Variants in ZNF676 observed in about 807,000 individuals in gnomAD.
The protein encoded by ZNF676 is zinc finger protein 676.
A neutral mutation model predicts 6.0 loss-of-function variants in ZNF676; 4 were observed. That is an observed-to-expected ratio of 0.67 (90% confidence interval 0.33 to 1.53). ZNF676 has a LOEUF of 1.53. Among genes scored for constraint, ZNF676 ranks in the 40% most tolerant of loss-of-function variants. ZNF676 has a pLI of 0.06. For missense variants in ZNF676, 644 were observed against 679.7 expected (o/e 0.95, Z 0.58); for synonymous variants, 198 against 223.1 (o/e 0.89, Z 1.00).
At chr19:22,231,813 T>C in the ZNF676 span, among the ~76,000 whole-genome samples, 1 of 151,734 alleles carries the variant, frequency 6.6e-6, no homozygotes, top group African/African-American at 2.4e-5. Context: ...ATGTTGGCCA[T>C]ATAGTCTCGA....
At chr19:22,200,135 TCTTA>T (rs1358590165), upstream of ZNF676, among the ~76,000 whole-genome samples, 1 of 152,066 alleles carries the variant, frequency 6.6e-6, no homozygotes, top group African/African-American at 2.4e-5. Context: ...TTTTTTTAAA[TCTTA>T]CTTAAGTAAA....
the ZNF676 span, among the ~76,000 whole-genome samples, chr19:22,236,088 A>C: frequency 6.6e-6 from 1 of 151,826 alleles, no homozygotes; most frequent in African/African-American, 2.4e-5. Context: ...GCGTCTTTTT[A>C]GTCCTTAATG....
the ZNF676 span, among the ~76,000 whole-genome samples, chr19:22,231,145 G>T: frequency 1.3e-5 from 2 of 151,810 alleles, no homozygotes; most frequent in Non-Finnish European, 2.9e-5. Context: ...CTTCTACCAG[G>T]TTAAAATGTA....
chr19:22,194,638 G>T (rs748964462), intron 1 of ZNF676, among the ~76,000 whole-genome samples: 2 of 152,064 alleles, frequency 1.3e-5, no homozygotes, highest in Non-Finnish European at 2.9e-5. Context: ...TTCTGTCCTC[G>T]CTGTAACAAA....
chr19:22,236,742 G>A, the ZNF676 span, among the ~76,000 whole-genome samples: 1 of 152,238 alleles, frequency 6.6e-6, no homozygotes, highest in Admixed American at 6.5e-5. Flanking sequence ...TTTTCTGCTT[G>A]TATAAATTAA....
chr19:22,193,919 C>T lies in ZNF676; in HGVS notation c.35-808G>A, dbSNP rs537415860. Among the ~76,000 whole-genome samples, 8 of 152,202 alleles carry T rather than the reference C, an allele frequency of 5.3e-5. No individual in the cohort carries two copies. In the South Asian group the frequency reaches 1.2e-3, roughly 24 times the overall value. On this transcript the variant is annotated intron_variant, in intron 1 of 2. Transcript: ENST00000397121. The stretch of plus-strand genomic sequence containing the variant: ...TAGAATTGGTGTTCAGAGCCATGCA[C>T]CTCCCACTCTTTGATATAAAACATT...
chr19:22,192,678 T>C (rs1297340186), intron 2 of ZNF676, among the ~76,000 whole-genome samples: 1 of 152,062 alleles, frequency 6.6e-6, no homozygotes, highest in Non-Finnish European at 1.5e-5. Context: ...ACTTAAAAGA[T>C]AGTTTAACAT....
chr19:22,223,420 A>C, the ZNF676 span, among the ~76,000 whole-genome samples: 2 of 152,068 alleles, frequency 1.3e-5, no homozygotes, highest in African/African-American at 4.8e-5. Context: ...ATCATTACAG[A>C]TATGAGCCAG....
the ZNF676 span, among the ~76,000 whole-genome samples, chr19:22,254,169 G>T: frequency 6.6e-6 from 1 of 152,156 alleles, no homozygotes; most frequent in Non-Finnish European, 1.5e-5. Flanking sequence ...TATCACCTAG[G>T]TGTTCAGCCA....
chr19:22,235,962 C>T, the ZNF676 span, among the ~76,000 whole-genome samples: 1 of 149,630 alleles, frequency 6.7e-6, no homozygotes. Context: ...ATGGCAGCTG[C>T]AATTGGAGTC....
In ZNF676 at chr19:22,179,538, T is replaced by C. The variant is rs772571975; in HGVS notation, c.*412A>G. On this transcript the variant is annotated 3_prime_UTR_variant, in exon 3 of 3. Transcript: ENST00000397121. ...GCCACATTCTTCACATTTGTAGGGT[T>C]TCCCTCCTGTATAAATTCCCTTATG... 1.7e-4 allele frequency: 76 copies of C among 441,930 alleles called. No homozygotes were observed. Among genetic ancestry groups the C allele is most frequent in the Non-Finnish European group, 3.1e-4 (70 of 227,252 alleles). The allele number at this position is 441,930 out of a possible 1,614,324, so 27.4% of individuals were successfully genotyped here.
chr19:22,224,699 G>C, the ZNF676 span, among the ~76,000 whole-genome samples: 2 of 152,072 alleles, frequency 1.3e-5, no homozygotes. Context: ...CTATTTAAGT[G>C]TACATTTTAT....
the ZNF676 span, among the ~76,000 whole-genome samples, chr19:22,223,735 T>C: frequency 1.3e-5 from 2 of 152,228 alleles, no homozygotes; most frequent in South Asian, 2.1e-4. Context: ...AAAGGAATTA[T>C]ATGATTTCCA....
At chr19:22,248,343 C>T in the ZNF676 span, among the ~76,000 whole-genome samples, 3 of 152,186 alleles carry the variant, frequency 2.0e-5, no homozygotes, top group East Asian at 3.9e-4. Context: ...AATGGTTGAA[C>T]TAGTTTACAG....
the ZNF676 span, among the ~76,000 whole-genome samples, chr19:22,233,419 T>C: frequency 6.8e-6 from 1 of 146,368 alleles, no homozygotes; most frequent in African/African-American, 2.5e-5. Context: ...TATTTGGACA[T>C]TTTTTAAAAA....
chr19:22,220,457 G>C (rs1369655792), upstream of ZNF676, among the ~76,000 whole-genome samples: 1 of 132,160 alleles, frequency 7.6e-6, no homozygotes, highest in Non-Finnish European at 1.6e-5. Context: ...GTTTTTTGTT[G>C]GCAGTTTTTT....
the ZNF676 span, among the ~76,000 whole-genome samples, chr19:22,241,960 T>A: frequency 6.6e-6 from 1 of 151,612 alleles, no homozygotes; most frequent in Non-Finnish European, 1.5e-5. Context: ...GCACACAAGA[T>A]AAACAGTCTC....
Position 22,181,575 on chromosome 19 carries a change from GA to G in ZNF676, c.141del (p.His48IlefsTer12). 6.4e-7 allele frequency: 1 copy of G among 1,564,696 alleles called. No homozygotes were observed. Among genetic ancestry groups the G allele is most frequent in the East Asian group, 2.3e-5 (1 of 44,300 alleles). ...TCTGGCCAAAACTCTTGGGAAAAATGAGAACATATAACTGAAAAGAAATAAA... is the reference window on the plus strand; with the variant it reads ...TCTGGCCAAAACTCTTGGGAAAAATGGAACATATAACTGAAAAGAAATAAA... ...EMVEEPPVIC[S>X]HFSQEFWPEQ... On this transcript the variant is annotated frameshift_variant, in exon 3 of 3. Transcript: ENST00000397121. LOFTEE classifies it low-confidence loss of function (END_TRUNC).
At chr19:22,223,837 C>CT in the ZNF676 span, among the ~76,000 whole-genome samples, 18 of 150,276 alleles carry the variant, frequency 1.2e-4, 1 homozygote, top group South Asian at 2.5e-3. Context: ...ATTCTGCAGA[C>CT]TTTTTTTTTA....
Sources: allele counts gnomAD v4.1 joint callset (sites outside exome capture counted in the v4.1 genomes callset), GRCh38; gene constraint gnomAD v4.1.1; transcripts MANE v1.5; gene names NCBI Gene and HGNC (gene_info 2026-07-23, HGNC 2026-07-21).